The following MGAT5 variants were observed in gnomAD, a reference collection of about 807,000 sequenced individuals.
MGAT5 encodes alpha-1,6-mannosylglycoprotein 6-beta-N-acetylglucosaminyltransferase.
MGAT5 carries 30 observed loss-of-function variants against 94.3 expected under a neutral mutation model. That is an observed-to-expected ratio of 0.32 (90% CI 0.24 to 0.43). The LOEUF (loss-of-function observed/expected upper bound fraction) is 0.43. MGAT5 is among the 20% of genes least tolerant of loss of function. The pLI is 1.00. For missense variants in MGAT5, 691 were observed against 905.5 expected, an observed-to-expected ratio of 0.76 and a Z score of 3.04; for synonymous variants, 310 against 322.9, an observed-to-expected ratio of 0.96 and a Z score of 0.43.
chr2:134,400,117 G>A (rs1379352841), intron 10 of MGAT5, among the ~76,000 whole-genome samples: 2 of 152,184 alleles, frequency 1.3e-5, no homozygotes, highest in Non-Finnish European at 2.9e-5. Flanking sequence ...AATTCGACAT[G>A]TGTGTCCATG....
At chr2:134,419,442 TTGTGTGTG>T (rs56181696) in intron 12 of MGAT5, among the ~76,000 whole-genome samples, 2,817 of 134,200 alleles carry the variant, frequency 0.021, 93 homozygotes, top group African/African-American at 0.07. Flanking sequence ...GCTTCAGGGT[TTGTGTGTG>T]TGTGTGTGTG....
At chr2:134,431,718 C>G (rs973656959) in intron 14 of MGAT5, among the ~76,000 whole-genome samples, 2 of 152,190 alleles carry the variant, frequency 1.3e-5, no homozygotes, top group Non-Finnish European at 2.9e-5. Context: ...GCAAGGAGAA[C>G]ACAGAAGCTT....
chr2:134,383,767 G>C (rs1006003382), intron 10 of MGAT5, among the ~76,000 whole-genome samples: 3 of 151,004 alleles, frequency 2.0e-5, no homozygotes, highest in Non-Finnish European at 4.4e-5. Flanking sequence ...GCAGTGGCAC[G>C]ATCTTGGCTC....
intron 1 of MGAT5, among the ~76,000 whole-genome samples, chr2:134,213,400 A>G (rs1680305653): frequency 1.4e-5 from 2 of 140,782 alleles, no homozygotes; most frequent in South Asian, 2.2e-4. Context: ...TCTGTTTCTC[A>G]AAATACTTGT....
intron 1 of MGAT5, among the ~76,000 whole-genome samples, chr2:134,167,791 T>A (rs966754777): frequency 1.3e-5 from 2 of 152,242 alleles, no homozygotes; most frequent in African/African-American, 4.8e-5. Context: ...GGTTTCATCA[T>A]GTCTTGGTTA....
chr2:134,157,713 C>T (rs1396834594), intron 1 of MGAT5, among the ~76,000 whole-genome samples: 1 of 151,740 alleles, frequency 6.6e-6, no homozygotes, highest in Non-Finnish European at 1.5e-5. Flanking sequence ...CAGTGGGAGC[C>T]CTGAGCTTGT....
intron 1 of MGAT5, among the ~76,000 whole-genome samples, chr2:134,166,302 G>A (rs1445890212): frequency 1.3e-5 from 2 of 152,236 alleles, no homozygotes; most frequent in Non-Finnish European, 2.9e-5. Flanking sequence ...CTGGTCAACA[G>A]TAAGGGCACA....
intron 2 of MGAT5, among the ~76,000 whole-genome samples, chr2:134,285,235 T>G (rs1684932485): frequency 6.6e-6 from 1 of 151,976 alleles, no homozygotes; most frequent in Non-Finnish European, 1.5e-5. Flanking sequence ...TAATCCTGTT[T>G]TCTAGAGCAC....
rs373932293 is a variant in MGAT5, at chr2:134,254,365, G to C, written c.-39G>C. On this transcript the variant is annotated 5_prime_UTR_variant, in exon 1 of 16. Coordinates refer to ENST00000281923, the MANE Select transcript of MGAT5 (RefSeq NM_002410.5). The stretch of plus-strand genomic sequence containing the variant: ...CCATGAATTTGTGTCTATCTTCTAC[G>C]CGTTAAGAGCCAAGGACAGGTGAAG... The C allele has an allele frequency of 1.2e-6, 2 of 1,610,424 alleles. No individual in the cohort carries two copies. Among genetic ancestry groups the C allele is most frequent in the Admixed American group, 1.7e-5 (1 of 59,648 alleles).
intron 1 of MGAT5, among the ~76,000 whole-genome samples, chr2:134,244,819 G>C (rs1461617011): frequency 6.6e-6 from 1 of 152,106 alleles, no homozygotes; most frequent in Non-Finnish European, 1.5e-5. Flanking sequence ...TAGTTATAGA[G>C]GGTTATTGGA....
intron 2 of MGAT5, among the ~76,000 whole-genome samples, chr2:134,300,352 A>T (rs1222103644): frequency 6.6e-6 from 1 of 152,188 alleles, no homozygotes; most frequent in Admixed American, 6.5e-5. Context: ...TACAGACAGG[A>T]TTAGGAATGA....
chr2:134,275,474 G>A (rs1460019023), intron 2 of MGAT5, among the ~76,000 whole-genome samples: 1 of 151,372 alleles, frequency 6.6e-6, no homozygotes, highest in Admixed American at 6.6e-5. Flanking sequence ...TTGAGGAAGT[G>A]AATTTATAGC....
chr2:134,315,915 A>C (rs1686970691), intron 2 of MGAT5, among the ~76,000 whole-genome samples: 1 of 152,216 alleles, frequency 6.6e-6, no homozygotes, highest in Non-Finnish European at 1.5e-5. Context: ...CACTATCAAA[A>C]TAACTGGTTT....
intron 1 of MGAT5, among the ~76,000 whole-genome samples, chr2:134,162,714 A>T (rs1056719500): frequency 6.6e-6 from 1 of 152,188 alleles, no homozygotes; most frequent in African/African-American, 2.4e-5. Context: ...TACTGATATT[A>T]GGAGGAGGGG....
intron 1 of MGAT5, among the ~76,000 whole-genome samples, chr2:134,150,533 C>G (rs2105003427): frequency 6.6e-6 from 1 of 152,318 alleles, no homozygotes. Context: ...GAGATTTCCT[C>G]TCATCCCCTG....
chr2:134,301,726 G>A (rs1408400123), intron 2 of MGAT5, among the ~76,000 whole-genome samples: 1 of 152,160 alleles, frequency 6.6e-6, no homozygotes, highest in Non-Finnish European at 1.5e-5. Flanking sequence ...AGGGCAGGCA[G>A]CTAGGAAGGG....
At chr2:134,426,196 G>A (rs1684578294) in intron 13 of MGAT5, among the ~76,000 whole-genome samples, 1 of 141,610 alleles carries the variant, frequency 7.1e-6, no homozygotes, top group African/African-American at 2.6e-5. Flanking sequence ...CCTACCTTCT[G>A]ACTCACCGAC....
At chr2:134,270,834 T>A (rs1683983318) in intron 2 of MGAT5, among the ~76,000 whole-genome samples, 2 of 152,228 alleles carry the variant, frequency 1.3e-5, no homozygotes, top group Admixed American at 1.3e-4. Flanking sequence ...TGGCATAGAT[T>A]AAATGAAATA....
intron 1 of MGAT5, among the ~76,000 whole-genome samples, chr2:134,258,403 C>T (rs563501558): frequency 5.3e-4 from 81 of 152,354 alleles, no homozygotes; most frequent in African/African-American, 1.7e-3. Flanking sequence ...CCATGGCCTA[C>T]GGGCCAAGTC....
Sources: allele counts gnomAD v4.1 joint callset (sites outside exome capture counted in the v4.1 genomes callset), GRCh38; gene constraint gnomAD v4.1.1; transcripts MANE v1.5; gene names NCBI Gene and HGNC (gene_info 2026-07-23, HGNC 2026-07-21).